Variants in HID1 observed in about 807,000 individuals in gnomAD.
The protein encoded by HID1 is HID1 domain containing.
A neutral mutation model predicts 89.7 loss-of-function variants in HID1; 42 were observed. That is an observed-to-expected ratio of 0.47 (90% CI 0.37 to 0.61). HID1 has a LOEUF of 0.61. Among genes scored for constraint, HID1 ranks in the 20% least tolerant of loss-of-function variants. The probability of loss-of-function intolerance (pLI) is 0.00; values close to 1 mark genes in which losing one functional copy is unlikely to be tolerated. For missense variants in HID1, 854 were observed against 1,039.3 expected, an observed-to-expected ratio of 0.82 and a Z score of 2.45; for synonymous variants, 442 against 433.8, an observed-to-expected ratio of 1.02 and a Z score of -0.24.
chr17:74,963,717 C>T, intron 3 of HID1, 23 bp downstream of exon 3: 1 of 1,579,762 alleles, frequency 6.3e-7, no homozygotes, highest in Non-Finnish European at 8.6e-7. Flanking sequence ...GCCTCCCACC[C>T]AGCCCTGGCC....
chr17:74,959,706 G>T lies in HID1; in HGVS notation c.1008+175C>A, dbSNP rs1024980350. Among the ~76,000 whole-genome samples, 2 of 152,156 alleles carry T rather than the reference G, an allele frequency of 1.3e-5. No individual in the cohort carries two copies. The highest frequency in any genetic ancestry group is 4.8e-5 in the African/African-American group (2 of 41,424). ...TTCCCAGTTACCTCTACCCAGGTGA[G>T]GCCATCAGCCCTTCCTGCATCTTGA... On this transcript the variant is annotated intron_variant, in intron 8 of 18. Coordinates refer to ENST00000425042, the MANE Select transcript of HID1 (RefSeq NM_030630.3). The surrounding 1 kb of genome is among the most constrained non-coding windows in gnomAD (Gnocchi z 4.6).
intron 12 of HID1, 92 bp from the exon 13 acceptor site, chr17:74,956,048 C>T: frequency 7.8e-7 from 1 of 1,286,460 alleles, no homozygotes; most frequent in Non-Finnish European, 1.1e-6. Flanking sequence ...CTCCTGCTCT[C>T]AATCCCTCCC....
At position 74,954,184 on chromosome 17, in the gene HID1, G is replaced by C. The variant is rs749287455; in HGVS notation, c.1818C>G (p.Ala606=). Residue 606 remains alanine, a synonymous_variant, in exon 14 of 19, where the codon GCC becomes GCG. Transcript: ENST00000425042. The part of the protein sequence containing the change: ...GTSMEGSRPA[A]PAEPGTLKTS... ...TCTTGAGGGTGCCTGGCTCTGCAGG[G>C]GCAGCGGGGCGGGAGCCCTCCATGG... 22 of 1,603,114 alleles carry C rather than the reference G, an allele frequency of 1.4e-5. No homozygotes were observed. In the African/African-American group the frequency reaches 2.5e-4, roughly 18 times the overall value.
chr17:74,972,477 G>T lies in HID1; in HGVS notation c.66+114C>A. 9.8e-7 allele frequency: 1 copy of T among 1,023,152 alleles called. No homozygotes were observed. The highest frequency in any genetic ancestry group is 1.4e-6 in the Non-Finnish European group (1 of 715,292). 63.4% of individuals were successfully genotyped at this position (1,023,152 alleles called of 1,614,324 possible). A position where few individuals can be genotyped will look rare whatever the true frequency, so the allele number is the denominator to read the frequency against. ...GTTCCGGCGCTGGCCTTGGCGTTAC[G>T]CTCGGGGCCCGCCCGTCCCCCCATC... is the stretch of plus-strand genomic sequence containing the variant. On this transcript the variant is annotated intron_variant, in intron 1 of 18. Coordinates refer to ENST00000425042, the MANE Select transcript of HID1 (RefSeq NM_030630.3). The surrounding 1 kb of genome is among the most constrained non-coding windows in gnomAD (Gnocchi z 6.4).
At chr17:74,960,604 G>A (rs1161910378) in intron 6 of HID1, among the ~76,000 whole-genome samples, 1 of 152,202 alleles carries the variant, frequency 6.6e-6, no homozygotes, top group East Asian at 1.9e-4. Context: ...AAGCTGCTCA[G>A]CTTACAGATG....
chr17:74,968,753 C>T (rs1223302319), intron 1 of HID1, among the ~76,000 whole-genome samples: 3 of 152,184 alleles, frequency 2.0e-5, no homozygotes, highest in Non-Finnish European at 2.9e-5. Context: ...TCTGGGAAGC[C>T]GCCATCCCTG....
In HID1 at chr17:74,959,013, C is replaced by T. The variant is rs546640579; in HGVS notation, c.1047G>A (p.Leu349=). 1.9e-6 allele frequency: 3 copies of T among 1,595,496 alleles called. No homozygotes were observed. The Admixed American group carries it at 5.5e-5, about 29-fold the overall frequency. The part of the protein sequence containing the change: ...QFILKGIARL[L]SNPLLQTYLP... Reference sequence around the variant, plus strand: ...GGTAGGTCTGGAGCAGGGGGTTGGACAGCAGCCGGGCTATACCCTTGAGGA... The same window carrying T: ...GGTAGGTCTGGAGCAGGGGGTTGGATAGCAGCCGGGCTATACCCTTGAGGA... Residue 349 remains leucine, a synonymous_variant, in exon 9 of 19, where the codon CTG becomes CTA. Transcript: ENST00000425042. This position sits in a 1 kb window ranked among gnomAD's most constrained non-coding sequence, Gnocchi z 4.6.
intron 2 of HID1, 170 bp downstream of exon 2, chr17:74,964,313 G>A: frequency 2.8e-6 from 2 of 720,312 alleles, no homozygotes; most frequent in Non-Finnish European, 4.5e-6. Context: ...ATAAATGACG[G>A]CTGCCGTGGT....
Position 74,951,620 on chromosome 17 carries a change from G to A in HID1, c.2317C>T (p.Pro773Ser), listed in dbSNP as rs1346197316. 1.2e-6 allele frequency: 2 copies of A among 1,612,790 alleles called. No homozygotes were observed. Among genetic ancestry groups the A allele is most frequent in the Admixed American group, 3.3e-5 (2 of 59,792 alleles). Residue 773 changes from proline (P) to serine (S), a missense_variant, in exon 19 of 19, where the codon CCT becomes TCT. Transcript: ENST00000425042. The stretch of plus-strand genomic sequence containing the variant: ...TTCACGTCGGTGTCGTACCAGACAG[G>A]GGGGTCCACATTCCTGTGGAGGAAA... Reference protein sequence around the residue: ...GVIYLRNVDPPVWYDTDVKLF... With the variant: ...GVIYLRNVDPSVWYDTDVKLF...
At chr17:74,970,371 G>GT (rs1254381768) in intron 1 of HID1, among the ~76,000 whole-genome samples, 1 of 152,224 alleles carries the variant, frequency 6.6e-6, no homozygotes, top group Non-Finnish European at 1.5e-5. Flanking sequence ...CTAGAGGACT[G>GT]TGTCACCATG....
rs1366728083 is a variant in HID1 at position 74,959,364 on chromosome 17, GC to G, written c.1009-314del. On this transcript the variant is annotated intron_variant, in intron 8 of 18. Coordinates refer to ENST00000425042, the MANE Select transcript of HID1 (RefSeq NM_030630.3). This position sits in a 1 kb window ranked among gnomAD's most constrained non-coding sequence, Gnocchi z 4.6. ...CATGCACACCCTCAACCTTGTCCCT[GC>G]CCACCTTGGACTCATGGTTGGCAGG... is the stretch of plus-strand genomic sequence containing the variant. Among the ~76,000 whole-genome samples, 1 of 152,058 alleles carries G rather than the reference GC, an allele frequency of 6.6e-6. No homozygotes were observed. Among genetic ancestry groups the G allele is most frequent in the Non-Finnish European group, 1.5e-5 (1 of 67,996 alleles).
chr17:74,960,949 C>T (rs562811130), intron 6 of HID1, among the ~76,000 whole-genome samples: 1 of 151,832 alleles, frequency 6.6e-6, no homozygotes, highest in South Asian at 2.1e-4. Context: ...CTCCCCCCAC[C>T]CCGTGCTCAC....
Position 74,951,340 on chromosome 17 carries a change from G to A in HID1, c.*230C>T. ...TTGGGGGCAGTGGTCTCTGGTGGGG[G>A]CATAGCCCCAGAGATGGGGCTCCTG... On this transcript the variant is annotated 3_prime_UTR_variant, in exon 19 of 19. Transcript: ENST00000425042. 2 of 585,184 alleles carry A rather than the reference G, an allele frequency of 3.4e-6. No homozygotes were observed. The highest frequency in any genetic ancestry group is 2.1e-5 in the South Asian group (1 of 48,218). 36.2% of individuals were successfully genotyped at this position (585,184 alleles called of 1,614,324 possible).
intron 1 of HID1, among the ~76,000 whole-genome samples, chr17:74,966,877 C>T (rs2039571131): frequency 6.6e-6 from 1 of 152,068 alleles, no homozygotes; most frequent in Non-Finnish European, 1.5e-5. Flanking sequence ...CCCAGAAGGT[C>T]AAGGCTGCAG....
chr17:74,953,764 T>C (rs2039343527), intron 14 of HID1, 113 bp from the exon 15 acceptor site: 2 of 801,292 alleles, frequency 2.5e-6, no homozygotes, highest in Non-Finnish European at 4.1e-6. Flanking sequence ...CTCTGGAACC[T>C]CCACCGGCTC....
chr17:74,961,469 T>A lies in HID1; in HGVS notation c.728+404A>T, dbSNP rs192561951. The A allele has an allele frequency of 5.0e-3, 761 of 152,380 alleles. 6 individuals carry two copies. The highest frequency in any genetic ancestry group is 0.018 in the African/African-American group (739 of 41,562). 9.4% of individuals were successfully genotyped at this position (152,380 alleles called of 1,614,324 possible). A position where few individuals can be genotyped will look rare whatever the true frequency, so the allele number is the denominator to read the frequency against. On this transcript the variant is annotated intron_variant, in intron 6 of 18. Transcript: ENST00000425042. Reference sequence around the variant, plus strand: ...TTTTAGTAGAGATACGGTTTCACCATGTTGGCCAGGCTGGTCTGAAACTCC... The same window carrying A: ...TTTTAGTAGAGATACGGTTTCACCAAGTTGGCCAGGCTGGTCTGAAACTCC...
At chr17:74,963,139 C>T (rs2039510352) in intron 3 of HID1, 58 bp from the exon 4 acceptor site, 3 of 1,315,782 alleles carry the variant, frequency 2.3e-6, no homozygotes, top group South Asian at 1.3e-5. Flanking sequence ...AGAGGTGGCC[C>T]AGGGCTTGGG....
Position 74,962,979 on chromosome 17 carries a change from G to T in HID1, c.490C>A (p.Arg164=). The change falls in exon 4 of 19, where the codon CGG becomes AGG. Residue 164 remains arginine (R), a synonymous_variant. Coordinates refer to ENST00000425042, the MANE Select transcript of HID1 (RefSeq NM_030630.3). The surrounding 1 kb of genome is among the most constrained non-coding windows in gnomAD (Gnocchi z 4.3). The part of the protein sequence containing the change: ...FCPDFTVQSH[R]RSTVDSAEDV... Reference sequence around the variant, plus strand: ...GGGACACTCACCACAGTGCTCCTCCGGTGGCTCTGAACCGTGAAGTCCGGG... The same window carrying T: ...GGGACACTCACCACAGTGCTCCTCCTGTGGCTCTGAACCGTGAAGTCCGGG... 1 of 1,612,124 alleles carries T rather than the reference G, an allele frequency of 6.2e-7. No individual in the cohort carries two copies. Among genetic ancestry groups the T allele is most frequent in the African/African-American group, 1.3e-5 (1 of 74,986 alleles).
At chr17:74,955,669 C>A in intron 13 of HID1, 123 bp downstream of exon 13, 2 of 794,996 alleles carry the variant, frequency 2.5e-6, no homozygotes, top group Non-Finnish European at 4.0e-6. Flanking sequence ...AATGAATGAA[C>A]TGGGGGCAGA....
Sources: allele counts gnomAD v4.1 joint callset (sites outside exome capture counted in the v4.1 genomes callset), GRCh38; gene constraint gnomAD v4.1.1; non-coding constraint Gnocchi (gnomAD v3.1); transcripts MANE v1.5; gene names NCBI Gene and HGNC (gene_info 2026-07-23, HGNC 2026-07-21).